MTCL1: variants seen among roughly 807,000 people sequenced by gnomAD.
The protein encoded by MTCL1 is microtubule cross-linking factor 1.
In MTCL1, 79 loss-of-function variants were observed where a neutral mutation model predicts 141.4. The ratio of observed to expected loss-of-function variants is 0.56; its 90% CI spans 0.47 to 0.67. The LOEUF (loss-of-function observed/expected upper bound fraction) is 0.67. MTCL1 is among the 30% of genes least tolerant of loss of function. The pLI, the probability that MTCL1 is intolerant of heterozygous loss-of-function variation, is 0.00. For missense variants in MTCL1, 2,177 were observed against 2,113.9 expected (o/e 1.03, Z -0.59); for synonymous variants, 914 against 875.8 (o/e 1.04, Z -0.77).
At chr18:8,773,040 G>A (rs2096491291) in intron 4 of MTCL1, among the ~76,000 whole-genome samples, 1 of 152,152 alleles carries the variant, frequency 6.6e-6, no homozygotes, top group African/African-American at 2.4e-5. Flanking sequence ...ACATCATGTT[G>A]TGTATCTTAA....
intron 4 of MTCL1, among the ~76,000 whole-genome samples, chr18:8,772,965 T>A (rs965955483): frequency 1.4e-4 from 21 of 152,176 alleles, no homozygotes; most frequent in African/African-American, 5.1e-4. Context: ...GAGATGATGG[T>A]TATGTTGATT....
At chr18:8,786,184 T>C in intron 7 of MTCL1, 93 bp downstream of exon 6, 3 of 1,333,610 alleles carry the variant, frequency 2.2e-6, no homozygotes, top group African/African-American at 1.6e-5. Context: ...GACGAGGCCC[T>C]GAGGGAACAT....
chr18:8,717,607 G>T (rs1265324452), intron 1 of MTCL1, among the ~76,000 whole-genome samples: 1 of 152,196 alleles, frequency 6.6e-6, no homozygotes, highest in East Asian at 1.9e-4. Context: ...GGCCAGCTGA[G>T]CAGTGGGCAC....
chr18:8,720,367 C>T, exon 4 of MTCL1: 1 of 1,614,078 alleles, frequency 6.2e-7, no homozygotes, highest in Non-Finnish European at 8.5e-7. Flanking sequence ...TCAGATTGCA[C>T]CACGAACTTA....
chr18:8,750,430 C>T (rs2096364959), intron 4 of MTCL1, among the ~76,000 whole-genome samples: 1 of 152,350 alleles, frequency 6.6e-6, no homozygotes, highest in Non-Finnish European at 1.5e-5. Context: ...GGGTGCCCCT[C>T]CTCCAGGGTG....
chr18:8,799,033 C>T (rs1568060990), intron 10 of MTCL1, among the ~76,000 whole-genome samples: 1 of 152,208 alleles, frequency 6.6e-6, no homozygotes, highest in Non-Finnish European at 1.5e-5. Flanking sequence ...CAGGGGGCTC[C>T]TGGAGTACAG....
chr18:8,706,700 A>G, exon 1 of MTCL1: 1 of 1,545,914 alleles, frequency 6.5e-7, no homozygotes, highest in Non-Finnish European at 8.7e-7. Context: ...CGCTCGGAGA[A>G]CGACTATCTC....
At chr18:8,751,811 G>A (rs1399800052) in intron 4 of MTCL1, among the ~76,000 whole-genome samples, 2 of 152,206 alleles carry the variant, frequency 1.3e-5, no homozygotes, top group Admixed American at 6.5e-5. Flanking sequence ...CTCTGAGTTG[G>A]GGCAGATGGA....
intron 4 of MTCL1, among the ~76,000 whole-genome samples, chr18:8,736,635 A>ATTT (rs34650032): frequency 3.3e-4 from 39 of 117,648 alleles, no homozygotes; most frequent in Non-Finnish European, 6.3e-4. Flanking sequence ...ATATCCATGT[A>ATTT]TTTTTTTTTT....
chr18:8,734,169 C>A (rs1301964512), intron 4 of MTCL1, among the ~76,000 whole-genome samples: 1 of 152,044 alleles, frequency 6.6e-6, no homozygotes, highest in Admixed American at 6.6e-5. Flanking sequence ...GGATGCTTAA[C>A]GGTGTTCCTA....
rs1431413889 is a variant in MTCL1 at position 8,830,291 on chromosome 18, T to G, written c.*19-1316T>G. 2.0e-6 allele frequency: 2 copies of G among 985,226 alleles called. No individual in the cohort carries two copies. Among genetic ancestry groups the G allele is most frequent in the African/African-American group, 3.5e-5 (2 of 57,190 alleles). 61.0% of individuals were successfully genotyped at this position (985,226 alleles called of 1,614,324 possible). A position where few individuals can be genotyped will look rare whatever the true frequency, so the allele number is the denominator to read the frequency against. ...GCATAATGCTTTGGGAACAGAAGCT[T>G]CTCCCTGTGGCCGTATGAAGTTCCA... On this transcript the variant is annotated intron_variant, in intron 16 of 16. Transcript: ENST00000359865. The surrounding 1 kb of genome is among the most constrained non-coding windows in gnomAD (Gnocchi z 6.4).
At chr18:8,756,756 G>A (rs1254388450) in intron 4 of MTCL1, among the ~76,000 whole-genome samples, 1 of 152,206 alleles carries the variant, frequency 6.6e-6, no homozygotes, top group African/African-American at 2.4e-5. Context: ...CATCTGGGAT[G>A]TGGCCAAACC....
At chr18:8,726,301 T>C (rs1346028416) in intron 4 of MTCL1, among the ~76,000 whole-genome samples, 2 of 147,164 alleles carry the variant, frequency 1.4e-5, no homozygotes, top group African/African-American at 5.0e-5. Flanking sequence ...TTTTTTTTTT[T>C]TTTTTGTCTT....
exon 12 of MTCL1, chr18:8,813,152 G>A (rs937590285): frequency 1.2e-6 from 2 of 1,614,116 alleles, no homozygotes; most frequent in Non-Finnish European, 8.5e-7. Context: ...ACCGGGAGAA[G>A]GTGGAACTTC....
chr18:8,806,787 C>T, intron 10 of MTCL1, 106 bp from the exon 10 acceptor site: 2 of 984,092 alleles, frequency 2.0e-6, no homozygotes, highest in Non-Finnish European at 2.9e-6. Context: ...GCCAACAACA[C>T]CTGGGAAACA....
intron 1 of MTCL1, among the ~76,000 whole-genome samples, chr18:8,712,238 C>A (rs1037233027): frequency 6.6e-6 from 1 of 152,206 alleles, no homozygotes; most frequent in African/African-American, 2.4e-5. Context: ...GTGCTAGATA[C>A]AAGGGCAGAG....
intron 16 of MTCL1, chr18:8,829,143 C>G: frequency 1.0e-6 from 1 of 985,490 alleles, no homozygotes; most frequent in Non-Finnish European, 1.2e-6. Context: ...AGAGACTCAT[C>G]TGCTCTGCTA....
intron 1 of MTCL1, among the ~76,000 whole-genome samples, chr18:8,710,941 A>T (rs11872398): frequency 7.3e-6 from 1 of 136,178 alleles, no homozygotes; most frequent in East Asian, 2.2e-4. Context: ...CACATTGTGC[A>T]GGTTAGTTAC....
At chr18:8,725,450 A>G (rs2096202176) in intron 4 of MTCL1, among the ~76,000 whole-genome samples, 1 of 152,218 alleles carries the variant, frequency 6.6e-6, no homozygotes, top group Admixed American at 6.5e-5. Flanking sequence ...TGTAACCCAC[A>G]GCAAAAAGGG....
Sources: gnomAD v4.1 joint callset for allele counts (sites outside exome capture counted in the v4.1 genomes callset) on GRCh38, gnomAD v4.1.1 for gene constraint, Gnocchi (gnomAD v3.1) non-coding constraint, MANE v1.5 for transcripts, NCBI Gene and HGNC (gene_info 2026-07-23, HGNC 2026-07-21) for gene names.